Variants in DNAJC5B observed in about 807,000 individuals in gnomAD.
The protein encoded by DNAJC5B is DnaJ heat shock protein family (Hsp40) member C5 beta.
A neutral mutation model predicts 24.7 loss-of-function variants in DNAJC5B; 23 were observed. The observed-to-expected ratio is 0.93, with a 90% confidence interval of 0.67 to 1.32. The LOEUF (loss-of-function observed/expected upper bound fraction) is 1.32, where lower values mean the gene tolerates loss of function less well. DNAJC5B is among the 40% of genes most tolerant of loss of function. The probability of loss-of-function intolerance (pLI) is 0.00; values close to 1 mark genes in which losing one functional copy is unlikely to be tolerated. For synonymous variants in DNAJC5B, 101 were observed against 90.1 expected, an observed-to-expected ratio of 1.12 and a Z score of -0.68; for missense variants, 238 against 240.8, an observed-to-expected ratio of 0.99 and a Z score of 0.08.
At chr8:66,017,733 C>A (rs1586048074), upstream of DNAJC5B, among the ~76,000 whole-genome samples, 1 of 152,268 alleles carries the variant, frequency 6.6e-6, no homozygotes, top group Middle Eastern at 3.4e-3. Context: ...TTAATGCAGG[C>A]CTCTGAAAAG....
chr8:66,051,168 T>C (rs926464861), intron 2 of DNAJC5B, among the ~76,000 whole-genome samples: 1 of 152,146 alleles, frequency 6.6e-6, no homozygotes, highest in Non-Finnish European at 1.5e-5. Context: ...TTGGAAAATA[T>C]ATGAAAAAGA....
intron 2 of DNAJC5B, among the ~76,000 whole-genome samples, chr8:66,045,605 G>A (rs1259164544): frequency 1.3e-5 from 2 of 152,002 alleles, no homozygotes; most frequent in Admixed American, 1.3e-4. Context: ...GGGTAGAGAA[G>A]CAAAGGCCTG....
chr8:66,074,301 G>T (rs1807414394), intron 3 of DNAJC5B, among the ~76,000 whole-genome samples: 1 of 152,154 alleles, frequency 6.6e-6, no homozygotes, highest in Non-Finnish European at 1.5e-5. Context: ...TTGAAGTGTT[G>T]GATGGGGCAA....
chr8:66,050,848 T>A (rs940342909), intron 2 of DNAJC5B, among the ~76,000 whole-genome samples: 4 of 152,194 alleles, frequency 2.6e-5, no homozygotes, highest in African/African-American at 9.7e-5. Context: ...AAATAAAAAT[T>A]GTGTATATTT....
At chr8:66,029,971 C>A (rs969220150) in intron 1 of DNAJC5B, among the ~76,000 whole-genome samples, 18 of 152,160 alleles carry the variant, frequency 1.2e-4, no homozygotes, top group Non-Finnish European at 2.2e-4. Flanking sequence ...GTCTCCAGGG[C>A]AACTAGTTAT....
chr8:66,076,458 A>G (rs1807464298), intron 3 of DNAJC5B, among the ~76,000 whole-genome samples: 1 of 152,182 alleles, frequency 6.6e-6, no homozygotes, highest in African/African-American at 2.4e-5. Context: ...GAGAGGAGAA[A>G]TAGTACTATT....
chr8:66,024,249 G>T (rs1408521512), intron 1 of DNAJC5B, among the ~76,000 whole-genome samples: 1 of 152,062 alleles, frequency 6.6e-6, no homozygotes, highest in African/African-American at 2.4e-5. Context: ...CATGGCATAG[G>T]CTTTACACAG....
At chr8:66,019,725 C>A (rs1806059501), upstream of DNAJC5B, among the ~76,000 whole-genome samples, 8 of 152,104 alleles carry the variant, frequency 5.3e-5, no homozygotes, top group Admixed American at 5.2e-4. Context: ...GTGTGGGAAA[C>A]CCTGACATTA....
chr8:66,054,775 C>T (rs1238375852), intron 3 of DNAJC5B, among the ~76,000 whole-genome samples: 2 of 152,158 alleles, frequency 1.3e-5, no homozygotes, highest in Non-Finnish European at 2.9e-5. Flanking sequence ...TGCCCTAGAC[C>T]TATCCAGAGG....
At chr8:66,098,454 G>C (rs1270391514) in intron 5 of DNAJC5B, among the ~76,000 whole-genome samples, 3 of 152,032 alleles carry the variant, frequency 2.0e-5, no homozygotes, top group Admixed American at 1.3e-4. Context: ...ACCTGCTTCG[G>C]CCTCCAAAAG....
At chr8:66,034,757 T>C (rs535591578) in intron 1 of DNAJC5B, among the ~76,000 whole-genome samples, 261 of 151,852 alleles carry the variant, frequency 1.7e-3, no homozygotes, top group African/African-American at 6.0e-3. Context: ...CCTAGGGAGA[T>C]GGGAAATCTG....
At chr8:66,096,678 C>T (rs1312683208) in intron 5 of DNAJC5B, among the ~76,000 whole-genome samples, 3 of 152,112 alleles carry the variant, frequency 2.0e-5, no homozygotes, top group African/African-American at 7.2e-5. Context: ...TTAAAATATA[C>T]TTACATTAGC....
chr8:66,082,105 TG>T (rs763201726), intron 5 of DNAJC5B, among the ~76,000 whole-genome samples: 3 of 152,074 alleles, frequency 2.0e-5, no homozygotes, highest in Non-Finnish European at 4.4e-5. Flanking sequence ...GGAGAGAAAC[TG>T]TTACAAGATT....
intron 1 of DNAJC5B, among the ~76,000 whole-genome samples, chr8:66,024,044 A>C (rs868222328): frequency 6.6e-6 from 1 of 152,250 alleles, no homozygotes; most frequent in Non-Finnish European, 1.5e-5. Flanking sequence ...TTTTATAGTC[A>C]TCAGCGCCAT....
chr8:66,088,209 C>G (rs1454347470), intron 5 of DNAJC5B, among the ~76,000 whole-genome samples: 3 of 152,222 alleles, frequency 2.0e-5, no homozygotes, highest in Non-Finnish European at 4.4e-5. Context: ...CCCTCTGAAG[C>G]AATAGCCTTA....
At chr8:66,076,941 C>A (rs1355593650) in intron 4 of DNAJC5B, 68 bp downstream of exon 4, 4 of 1,535,648 alleles carry the variant, frequency 2.6e-6, no homozygotes, top group African/African-American at 1.4e-5. Flanking sequence ...TTTTAGATTC[C>A]ATCTCAAAGG....
At chr8:66,043,005 T>C (rs1806647462) in intron 1 of DNAJC5B, among the ~76,000 whole-genome samples, 1 of 152,042 alleles carries the variant, frequency 6.6e-6, no homozygotes, top group African/African-American at 2.4e-5. Flanking sequence ...ATCATAGGAA[T>C]TGTTGTCTCA....
intron 2 of DNAJC5B, among the ~76,000 whole-genome samples, chr8:66,051,016 A>G (rs1030662396): frequency 1.3e-5 from 2 of 152,174 alleles, no homozygotes; most frequent in Admixed American, 6.5e-5. Flanking sequence ...TATATAATAT[A>G]TTGTTATTGA....
chr8:66,086,636 G>A (rs1299962866), intron 5 of DNAJC5B, among the ~76,000 whole-genome samples: 1 of 152,150 alleles, frequency 6.6e-6, no homozygotes, highest in East Asian at 1.9e-4. Flanking sequence ...TGGTTTTAGG[G>A]AAGGGGAAAA....
Sources: allele counts gnomAD v4.1 joint callset (sites outside exome capture counted in the v4.1 genomes callset), GRCh38; gene constraint gnomAD v4.1.1; transcripts MANE v1.5; gene names NCBI Gene and HGNC (gene_info 2026-07-23, HGNC 2026-07-21).